NYAP2: variants seen among roughly 807,000 people sequenced by gnomAD.
The protein encoded by NYAP2 is neuronal tyrosine-phosphorylated phosphoinositide-3-kinase adaptor 2.
NYAP2 carries 23 observed loss-of-function variants against 50.4 expected under a neutral mutation model. The observed-to-expected ratio is 0.46, with a 90% CI of 0.33 to 0.65. NYAP2 has a LOEUF of 0.65. Ranked by LOEUF, NYAP2 falls within the 30% of genes least tolerant of loss-of-function variation. The pLI, the probability that NYAP2 is intolerant of heterozygous loss-of-function variation, is 0.02. For synonymous variants in NYAP2, 394 were observed against 365.2 expected (o/e 1.08, Z -0.90); for missense variants, 885 against 861.0 (o/e 1.03, Z -0.35).
intron 3 of NYAP2, among the ~76,000 whole-genome samples, chr2:225,491,952 G>C (rs973151151): frequency 6.6e-6 from 1 of 152,200 alleles, no homozygotes; most frequent in Non-Finnish European, 1.5e-5. Context: ...ATCTGGCTAA[G>C]AAACCAGGAG....
chr2:225,633,400 G>C (rs1057512060), intron 6 of NYAP2, among the ~76,000 whole-genome samples: 1 of 152,196 alleles, frequency 6.6e-6, no homozygotes, highest in Non-Finnish European at 1.5e-5. Context: ...TCTAAGATGA[G>C]ATGCTAATTG....
intron 3 of NYAP2, among the ~76,000 whole-genome samples, chr2:225,462,576 C>A (rs1689850002): frequency 6.6e-6 from 1 of 152,130 alleles, no homozygotes. Context: ...ATCTTCTATT[C>A]ATCTTCTTGA....
intron 3 of NYAP2, among the ~76,000 whole-genome samples, chr2:225,451,670 C>T (rs1689655506): frequency 6.6e-6 from 1 of 152,170 alleles, no homozygotes; most frequent in Non-Finnish European, 1.5e-5. Context: ...ACCTCCTTTA[C>T]TTACTTTACG....
chr2:225,453,649 G>T (rs1438672016), intron 3 of NYAP2, among the ~76,000 whole-genome samples: 1 of 151,848 alleles, frequency 6.6e-6, no homozygotes, highest in African/African-American at 2.4e-5. Flanking sequence ...AAGTTTTTTT[G>T]TTTGTTTGTT....
At chr2:225,514,838 G>A (rs1690898706) in intron 4 of NYAP2, among the ~76,000 whole-genome samples, 1 of 152,114 alleles carries the variant, frequency 6.6e-6, no homozygotes, top group Non-Finnish European at 1.5e-5. Flanking sequence ...TCCACAGCAA[G>A]CTTCTCTGAG....
At chr2:225,620,114 T>G (rs1184290235) in intron 5 of NYAP2, among the ~76,000 whole-genome samples, 1 of 152,192 alleles carries the variant, frequency 6.6e-6, no homozygotes, top group Non-Finnish European at 1.5e-5. Flanking sequence ...TCCAGAGAGT[T>G]TATGTTACTA....
Position 225,582,176 on chromosome 2 carries a change from C to T in NYAP2, c.759C>T (p.Leu253=), listed in dbSNP as rs757533829. The change falls in exon 5 of 7, where the codon CTC becomes CTT. Residue 253 remains leucine, a synonymous_variant. Transcript: ENST00000636099. The surrounding 1 kb of genome is among the most constrained non-coding windows in gnomAD (Gnocchi z 7.0). Reference sequence around the variant, plus strand: ...ACATCGAGATGGTGGGGAACATTCTCAGAGACTTCAGGAAGGAGGACGATG... The same window carrying T: ...ACATCGAGATGGTGGGGAACATTCTTAGAGACTTCAGGAAGGAGGACGATG... 5.0e-6 allele frequency: 8 copies of T among 1,614,058 alleles called. No individual in the cohort carries two copies. The highest frequency in any genetic ancestry group is 6.8e-6 in the Non-Finnish European group (8 of 1,179,902).
At chr2:225,456,062 C>T (rs898605233) in intron 3 of NYAP2, among the ~76,000 whole-genome samples, 1 of 152,196 alleles carries the variant, frequency 6.6e-6, no homozygotes, top group African/African-American at 2.4e-5. Context: ...TCTAAGCATA[C>T]AAAAATCAGC....
At chr2:225,449,601 CTTTTTTT>C (rs201552006) in intron 3 of NYAP2, among the ~76,000 whole-genome samples, 76 of 96,312 alleles carry the variant, frequency 7.9e-4, no homozygotes, top group African/African-American at 2.2e-3. Context: ...CTCTCTTTCT[CTTTTTTT>C]TTTTTTTTTT....
chr2:225,614,978 G>T (rs1301389537), intron 5 of NYAP2, among the ~76,000 whole-genome samples: 1 of 152,198 alleles, frequency 6.6e-6, no homozygotes, highest in South Asian at 2.1e-4. Context: ...TTATCGGGAA[G>T]TTTCCATCTA....
At chr2:225,660,313 C>T in the NYAP2 span, among the ~76,000 whole-genome samples, 733 of 152,194 alleles carry the variant, frequency 4.8e-3, 1 homozygote, top group Non-Finnish European at 8.0e-3. Flanking sequence ...GTCAGCTCTC[C>T]TGCCCCCAAT....
intron 4 of NYAP2, among the ~76,000 whole-genome samples, chr2:225,539,153 C>T (rs992872078): frequency 6.6e-6 from 1 of 152,098 alleles, no homozygotes. Flanking sequence ...GCTTCATCCA[C>T]GTCCTTGCAA....
At chr2:225,544,222 T>G (rs1691526779) in intron 4 of NYAP2, among the ~76,000 whole-genome samples, 1 of 124,546 alleles carries the variant, frequency 8.0e-6, no homozygotes, top group African/African-American at 4.4e-5. Context: ...TGATTGGGTG[T>G]TTTTTTTTTT....
chr2:225,539,261 T>C (rs1475108099), intron 4 of NYAP2, among the ~76,000 whole-genome samples: 1 of 152,232 alleles, frequency 6.6e-6, no homozygotes, highest in Non-Finnish European at 1.5e-5. Context: ...GCATTTGGGT[T>C]GGTTCCAAGT....
At chr2:225,574,097 G>T (rs141755357) in intron 4 of NYAP2, among the ~76,000 whole-genome samples, 1 of 152,240 alleles carries the variant, frequency 6.6e-6, no homozygotes, top group Non-Finnish European at 1.5e-5. Context: ...TTGAAATCAA[G>T]GTTTCATTAT....
At chr2:225,584,786 T>C (rs1015175675) in intron 5 of NYAP2, among the ~76,000 whole-genome samples, 2 of 152,228 alleles carry the variant, frequency 1.3e-5, no homozygotes, top group Non-Finnish European at 2.9e-5. Flanking sequence ...AGGCAGACAT[T>C]TCTAATATAT....
the NYAP2 span, chr2:225,702,792 GA>G: frequency 6.6e-6 from 1 of 151,488 alleles, no homozygotes; most frequent in Non-Finnish European, 1.5e-5. Flanking sequence ...TAAATATTAT[GA>G]AGTTTCAAAT....
intron 5 of NYAP2, among the ~76,000 whole-genome samples, chr2:225,583,903 G>A (rs913389207): frequency 6.6e-6 from 1 of 152,148 alleles, no homozygotes; most frequent in Non-Finnish European, 1.5e-5. Context: ...TTAGCCGGGT[G>A]TGGTGGCGGG....
intron 4 of NYAP2, among the ~76,000 whole-genome samples, chr2:225,552,940 C>A (rs560029318): frequency 2.6e-5 from 4 of 152,206 alleles, no homozygotes; most frequent in Non-Finnish European, 5.9e-5. Context: ...CCTGCCTCGG[C>A]CTCCCAAAGT....
Sources: gnomAD v4.1 joint callset for allele counts (sites outside exome capture counted in the v4.1 genomes callset) on GRCh38, gnomAD v4.1.1 for gene constraint, Gnocchi (gnomAD v3.1) non-coding constraint, MANE v1.5 for transcripts, NCBI Gene and HGNC (gene_info 2026-07-23, HGNC 2026-07-21) for gene names.